Variants in RGS5 observed in about 807,000 individuals in gnomAD.
RGS5 encodes the protein regulator of G-protein signalling 5.
Under a neutral mutation model 18.9 loss-of-function variants are expected in RGS5, and 20 were observed. That is an observed-to-expected ratio of 1.06 (90% CI 0.74 to 1.54). RGS5 has a LOEUF of 1.54. Among genes scored for constraint, RGS5 ranks in the 40% most tolerant of loss-of-function variants. The pLI is 0.00. For missense variants in RGS5, 201 were observed against 211.8 expected, an observed-to-expected ratio of 0.95 and a Z score of 0.32; for synonymous variants, 57 against 76.2, an observed-to-expected ratio of 0.75 and a Z score of 1.31.
At chr1:163,147,584 C>T in intron 4 of RGS5, 81 bp from the exon 5 acceptor site, 1 of 1,264,766 alleles carries the variant, frequency 7.9e-7, no homozygotes, top group Non-Finnish European at 1.1e-6. Flanking sequence ...TGGAATTTCT[C>T]ATCAATAAAA....
At chr1:163,200,449 A>G (rs1659733530) in intron 1 of RGS5, among the ~76,000 whole-genome samples, 1 of 152,114 alleles carries the variant, frequency 6.6e-6, no homozygotes, top group Non-Finnish European at 1.5e-5. Context: ...GAGAGAAGAA[A>G]TGCAAAGACA....
At chr1:163,259,278 A>G (rs1648362502) in intron 2 of RGS5, among the ~76,000 whole-genome samples, 2 of 151,948 alleles carry the variant, frequency 1.3e-5, no homozygotes, top group South Asian at 4.2e-4. Flanking sequence ...CAGCCTCCCA[A>G]GTAGCTGGGA....
At chr1:163,167,021 G>A (rs564970454) in intron 2 of RGS5, among the ~76,000 whole-genome samples, 4 of 151,826 alleles carry the variant, frequency 2.6e-5, no homozygotes, top group African/African-American at 7.3e-5. Context: ...TGCAGAAAAC[G>A]CAATTATGCC....
chr1:163,184,201 G>A (rs541049537), intron 1 of RGS5, among the ~76,000 whole-genome samples: 10 of 152,198 alleles, frequency 6.6e-5, no homozygotes, highest in Admixed American at 6.5e-4. Context: ...GGTGTCTTTA[G>A]GCTGAGTACA....
intron 2 of RGS5, among the ~76,000 whole-genome samples, chr1:163,235,229 G>A (rs557574682): frequency 1.3e-5 from 2 of 152,018 alleles, no homozygotes; most frequent in Non-Finnish European, 2.9e-5. Flanking sequence ...ATATAAATCC[G>A]GTCCAGATAC....
intron 1 of RGS5, among the ~76,000 whole-genome samples, chr1:163,320,860 T>A (rs539550804): frequency 6.6e-6 from 1 of 152,306 alleles, no homozygotes; most frequent in African/African-American, 2.4e-5. Flanking sequence ...GGAATTTGTG[T>A]CTACATTCAA....
At chr1:163,293,280 A>G (rs543959770) in intron 2 of RGS5, among the ~76,000 whole-genome samples, 1 of 152,254 alleles carries the variant, frequency 6.6e-6, no homozygotes, top group East Asian at 1.9e-4. Context: ...AAGAGGCTTA[A>G]TTGACTCACA....
At chr1:163,230,378 A>G (rs2101684083) in intron 2 of RGS5, among the ~76,000 whole-genome samples, 1 of 152,290 alleles carries the variant, frequency 6.6e-6, no homozygotes, top group East Asian at 1.9e-4. Context: ...GCCAGGCCAA[A>G]AAAAGAAAAA....
chr1:163,310,997 A>AG lies in RGS5; in HGVS notation c.-377-4669dup, dbSNP rs1345367678. On this transcript the variant is annotated intron_variant, in intron 1 of 5. Coordinates refer to the RGS5 transcript ENST00000618415. ...GACAACTCAATATCACAAGAACAGA[A>AG]GGGGGGAAATCACCCCATAATCCAA... is the stretch of plus-strand genomic sequence containing the variant. 2.0e-5 allele frequency among the ~76,000 whole-genome samples: 3 copies of AG among 152,180 alleles called. No individual in the cohort carries two copies. In the South Asian group the frequency reaches 6.2e-4, roughly 32 times the overall value.
chr1:163,166,420 T>G (rs950364636), intron 2 of RGS5, among the ~76,000 whole-genome samples: 1 of 152,152 alleles, frequency 6.6e-6, no homozygotes, highest in African/African-American at 2.4e-5. Context: ...AGAGAAGAAT[T>G]ATTTTCCCCT....
In RGS5 at chr1:163,294,149, G is replaced by A. The variant is rs140879699; in HGVS notation, c.-281+12084C>T. Among the ~76,000 whole-genome samples the A allele has an allele frequency of 5.9e-3, 892 of 152,316 alleles. 15 individuals are homozygous for A. The highest frequency in any genetic ancestry group is 0.02 in the African/African-American group (832 of 41,566). On this transcript the variant is annotated intron_variant, in intron 2 of 5. Coordinates refer to the RGS5 transcript ENST00000618415. ...CTTCTTTTCACAGCTCCACTAGGCA[G>A]TGCCCCAGTGGGGACTCTGTGTGGG...
At chr1:163,316,590 A>G (rs1175838244) in intron 1 of RGS5, among the ~76,000 whole-genome samples, 2 of 152,116 alleles carry the variant, frequency 1.3e-5, no homozygotes, top group Admixed American at 1.3e-4. Flanking sequence ...TCTCAAAAAA[A>G]AAAAAAGCTA....
intron 1 of RGS5, among the ~76,000 whole-genome samples, chr1:163,307,649 CAT>C (rs745931139): frequency 2.0e-5 from 3 of 151,536 alleles, no homozygotes; most frequent in Admixed American, 6.6e-5. Context: ...TTTAGTAACA[CAT>C]GATTGGTTCA....
intron 2 of RGS5, among the ~76,000 whole-genome samples, chr1:163,287,950 C>A (rs1649184875): frequency 6.6e-6 from 1 of 152,142 alleles, no homozygotes; most frequent in African/African-American, 2.4e-5. Flanking sequence ...TGAAGGGAGA[C>A]CTTTAGTCTG....
intron 1 of RGS5, among the ~76,000 whole-genome samples, chr1:163,189,002 C>T (rs533759135): frequency 6.6e-6 from 1 of 151,214 alleles, no homozygotes; most frequent in South Asian, 2.1e-4. Flanking sequence ...GGTCTGTCAT[C>T]CCAAGAAATG....
chr1:163,202,575 G>A (rs1443593755), intron 1 of RGS5, among the ~76,000 whole-genome samples: 1 of 152,176 alleles, frequency 6.6e-6, no homozygotes, highest in African/African-American at 2.4e-5. Flanking sequence ...ATTAAATGAT[G>A]TATGAAATAC....
intron 1 of RGS5, among the ~76,000 whole-genome samples, chr1:163,307,240 G>A (rs949568823): frequency 6.6e-6 from 1 of 152,094 alleles, no homozygotes; most frequent in Non-Finnish European, 1.5e-5. Context: ...TCAAAGAGAT[G>A]ACAATGTCAA....
intron 2 of RGS5, among the ~76,000 whole-genome samples, chr1:163,281,066 G>A (rs184329104): frequency 6.6e-6 from 1 of 152,128 alleles, no homozygotes; most frequent in East Asian, 1.9e-4. Context: ...TAGTGAATGG[G>A]TCTCATGAGA....
Position 163,152,736 on chromosome 1 carries a change from C to T in RGS5, c.218-20G>A, listed in dbSNP as rs747775879. 4 of 1,562,618 alleles carry T rather than the reference C, an allele frequency of 2.6e-6. No individual in the cohort carries two copies. Among genetic ancestry groups the T allele is most frequent in the Middle Eastern group, 1.8e-4 (1 of 5,496 alleles). ...GTCCATCTGGAAAGAAAAAAACAGT[C>T]AGCTGGAGAAATTTATTAATTTACT... On this transcript the variant is annotated intron_variant, in intron 3 of 4. Coordinates refer to ENST00000313961, the MANE Select transcript of RGS5 (RefSeq NM_003617.4).
Sources: allele counts gnomAD v4.1 joint callset (sites outside exome capture counted in the v4.1 genomes callset), GRCh38; gene constraint gnomAD v4.1.1; transcripts MANE v1.5; gene names NCBI Gene and HGNC (gene_info 2026-07-23, HGNC 2026-07-21).